Variants in LMCD1 observed in about 807,000 individuals in gnomAD.
The protein encoded by LMCD1 is LIM and cysteine rich domains 1.
A neutral mutation model predicts 42.7 loss-of-function variants in LMCD1; 32 were observed. The observed-to-expected ratio is 0.75, with a 90% CI of 0.57 to 1.01. LMCD1 has a LOEUF of 1.01. LMCD1 is among the 50% of genes least tolerant of loss of function. The pLI is 0.00. For missense variants in LMCD1, 458 were observed against 483.1 expected (o/e 0.95, Z 0.49); for synonymous variants, 178 against 184.9 (o/e 0.96, Z 0.30).
chr3:8,523,930 T>C (rs539865660), intron 1 of LMCD1, among the ~76,000 whole-genome samples: 1 of 152,328 alleles, frequency 6.6e-6, no homozygotes, highest in East Asian at 1.9e-4. Flanking sequence ...CTTTAAGTTA[T>C]GGACAGGCAG....
At chr3:8,529,450 C>T (rs1694363948) in intron 1 of LMCD1, among the ~76,000 whole-genome samples, 2 of 132,160 alleles carry the variant, frequency 1.5e-5, no homozygotes, top group South Asian at 2.2e-4. Flanking sequence ...TTTAGTTTAG[C>T]GTTCTTGCCC....
intron 5 of LMCD1, 52 bp downstream of exon 5, chr3:8,565,699 G>T: frequency 1.3e-6 from 2 of 1,503,720 alleles, no homozygotes. Flanking sequence ...ACTGCTGAGG[G>T]TAAAAGCCCA....
chr3:8,537,941 A>G (rs1444313611), intron 3 of LMCD1, among the ~76,000 whole-genome samples: 1 of 152,202 alleles, frequency 6.6e-6, no homozygotes, highest in Admixed American at 6.5e-5. Flanking sequence ...AAAAGCAACC[A>G]GAGAAATCTC....
chr3:8,538,273 A>G (rs1029751664), intron 3 of LMCD1, among the ~76,000 whole-genome samples: 15 of 152,178 alleles, frequency 9.9e-5, no homozygotes, highest in African/African-American at 3.6e-4. Context: ...GTTCAGGGCC[A>G]TCCTGAGATA....
chr3:8,533,972 C>G (rs113652709), intron 2 of LMCD1, among the ~76,000 whole-genome samples: 12 of 151,986 alleles, frequency 7.9e-5, no homozygotes, highest in African/African-American at 2.4e-4. Flanking sequence ...AGGCTTCTAT[C>G]CCCTTCAAAA....
chr3:8,534,903 T>C (rs759275354), intron 2 of LMCD1, among the ~76,000 whole-genome samples: 5 of 152,202 alleles, frequency 3.3e-5, no homozygotes, highest in Non-Finnish European at 7.3e-5. Flanking sequence ...AGAAATTGTG[T>C]TGACACCATT....
At chr3:8,566,968 C>T (rs1241691246) in intron 5 of LMCD1, among the ~76,000 whole-genome samples, 1 of 152,156 alleles carries the variant, frequency 6.6e-6, no homozygotes, top group Non-Finnish European at 1.5e-5. Context: ...CTAGAAGGCC[C>T]ATTAAACATT....
chr3:8,521,979 C>A (rs1048828594), intron 1 of LMCD1, among the ~76,000 whole-genome samples: 24 of 152,008 alleles, frequency 1.6e-4, no homozygotes, highest in African/African-American at 5.8e-4. Context: ...ATCACCCAAC[C>A]CCTCAAAAGG....
Position 8,525,317 on chromosome 3 carries a change from G to A in LMCD1, c.43-7420G>A, listed in dbSNP as rs1312284744. 5.9e-5 allele frequency among the ~76,000 whole-genome samples: 9 copies of A among 152,032 alleles called. No homozygotes were observed. The South Asian group carries it at 1.7e-3, about 28-fold the overall frequency. On this transcript the variant is annotated intron_variant, in intron 1 of 5. Transcript: ENST00000157600. ...TCTTTCTGTGCCTGACTTATTTCAC[G>A]TAGCATAATGTCCTTGAGTTCATCC...
chr3:8,507,391 G>A (rs1693906240), intron 1 of LMCD1, among the ~76,000 whole-genome samples: 1 of 152,208 alleles, frequency 6.6e-6, no homozygotes. Flanking sequence ...AAACAGAAGA[G>A]ACAAATCAAT....
At position 8,574,570 on chromosome 3, in the gene LMCD1, A is replaced by G. The variant is rs1310321335; in HGVS notation, c.*6972A>G. The G allele has an allele frequency of 6.6e-6, 1 of 152,216 alleles. No homozygotes were observed. Among genetic ancestry groups the G allele is most frequent in the East Asian group, 1.9e-4 (1 of 5,182 alleles). 9.4% of individuals were successfully genotyped at this position (152,216 alleles called of 1,614,324 possible). On this transcript the variant is annotated 3_prime_UTR_variant, in exon 6 of 6. Coordinates refer to ENST00000157600, the MANE Select transcript of LMCD1 (RefSeq NM_014583.4). ...TGGCACAGCTCATCTTGAAGTAATT[A>G]TAATGCCACTAAAATTCTCATTTGT...
At chr3:8,525,372 C>T (rs537451776) in intron 1 of LMCD1, among the ~76,000 whole-genome samples, 27 of 152,146 alleles carry the variant, frequency 1.8e-4, no homozygotes, top group Middle Eastern at 3.4e-3. Flanking sequence ...TATTCTTATT[C>T]CTTTTTGAGG....
In LMCD1 at chr3:8,569,851, C is replaced by G. The variant is rs1306561926; in HGVS notation, c.*2253C>G. Reference sequence around the variant, plus strand: ...CCCCTACAAAAAATACAAAAACTATCTGGCATGGTGGCACACCTGTAGTAT... The same window carrying G: ...CCCCTACAAAAAATACAAAAACTATGTGGCATGGTGGCACACCTGTAGTAT... On this transcript the variant is annotated 3_prime_UTR_variant, in exon 6 of 6. Coordinates refer to ENST00000157600, the MANE Select transcript of LMCD1 (RefSeq NM_014583.4). 1.3e-5 allele frequency: 2 copies of G among 152,306 alleles called. No homozygotes were observed. Among genetic ancestry groups the G allele is most frequent in the Admixed American group, 1.3e-4 (2 of 15,262 alleles). 9.4% of individuals were successfully genotyped at this position (152,306 alleles called of 1,614,324 possible).
chr3:8,532,882 G>A (rs1040786591), intron 2 of LMCD1, 57 bp downstream of exon 2: 33 of 1,402,972 alleles, frequency 2.4e-5, no homozygotes, highest in East Asian at 2.1e-4. Flanking sequence ...CTGTCCTCTC[G>A]GGGAACCCTG....
Position 8,548,837 on chromosome 3 carries a change from G to A in LMCD1, c.657G>A (p.Glu219=). 6.3e-7 allele frequency: 1 copy of A among 1,596,142 alleles called. No homozygotes were observed. The highest frequency in any genetic ancestry group is 1.1e-5 in the South Asian group (1 of 88,448). ...KEEGKQQEKP[E]GAETTAATTN... The stretch of plus-strand genomic sequence containing the variant: ...AGGGGAAGCAGCAGGAAAAGCCAGA[G>A]GGGGCAGAGACCACTGCTGCTACCA... Residue 219 remains glutamate, a synonymous_variant, in exon 4 of 6, where the codon GAG becomes GAA. Transcript: ENST00000157600.
At chr3:8,523,536 C>A (rs554173049) in intron 1 of LMCD1, among the ~76,000 whole-genome samples, 1 of 152,220 alleles carries the variant, frequency 6.6e-6, no homozygotes, top group Non-Finnish European at 1.5e-5. Context: ...AAGTCTCACT[C>A]TTTCATATCA....
At chr3:8,526,169 T>G (rs1034146619) in intron 1 of LMCD1, among the ~76,000 whole-genome samples, 1 of 152,186 alleles carries the variant, frequency 6.6e-6, no homozygotes, top group Non-Finnish European at 1.5e-5. Context: ...CAAAATCCCC[T>G]GCTAAAGGAC....
chr3:8,517,039 A>G (rs574674494), intron 1 of LMCD1, among the ~76,000 whole-genome samples: 2 of 152,376 alleles, frequency 1.3e-5, no homozygotes, highest in South Asian at 2.1e-4. Context: ...ACTAAGATCC[A>G]GAGGGATTAA....
intron 1 of LMCD1, among the ~76,000 whole-genome samples, chr3:8,512,027 GCA>G (rs774379013): frequency 6.6e-6 from 1 of 152,190 alleles, no homozygotes; most frequent in Non-Finnish European, 1.5e-5. Flanking sequence ...ACACGTATGT[GCA>G]CACACATATA....
Sources: gnomAD v4.1 joint callset for allele counts (sites outside exome capture counted in the v4.1 genomes callset) on GRCh38, gnomAD v4.1.1 for gene constraint, MANE v1.5 for transcripts, NCBI Gene and HGNC (gene_info 2026-07-23, HGNC 2026-07-21) for gene names.